TOR1A: variants seen among roughly 807,000 people sequenced by gnomAD.
The protein encoded by TOR1A is torsin-1A.
Under a neutral mutation model 31.4 loss-of-function variants are expected in TOR1A, and 18 were observed. That is an observed-to-expected ratio of 0.57 (90% CI 0.40 to 0.85). The LOEUF (loss-of-function observed/expected upper bound fraction) is 0.85. TOR1A is among the 40% of genes least tolerant of loss of function. The probability of loss-of-function intolerance (pLI) is 0.00; values close to 1 mark genes in which losing one functional copy is unlikely to be tolerated. For missense variants in TOR1A, 375 were observed against 416.4 expected (o/e 0.90, Z 0.87); for synonymous variants, 168 against 165.9 (o/e 1.01, Z -0.10).
chr9:129,823,665 A>ACCCCCCCCCCCCCCCCCCCC, intron 1 of TOR1A: 1 of 19,604 alleles, frequency 5.1e-5, no homozygotes, highest in South Asian at 6.7e-4. Context: ...GCGATCCCCC[A>ACCCCCCCCCCCCCCCCCCCC]GCCCCACCCC....
chr9:129,818,738 A>T lies in TOR1A; in HGVS notation c.620+7T>A. On this transcript the variant is annotated splice_region_variant and intron_variant, in intron 3 of 4. Coordinates refer to ENST00000351698, the MANE Select transcript of TOR1A (RefSeq NM_000113.3). ...GCCCATCCATCATGTCCTAGCCCTG[A>T]CCTTACCTGAGAAATATGAACATGG... 1 of 1,613,464 alleles carries T rather than the reference A, an allele frequency of 6.2e-7. No individual in the cohort carries two copies. The highest frequency in any genetic ancestry group is 2.2e-5 in the East Asian group (1 of 44,876).
chr9:129,814,371 A>ACACCCCCCCC (rs2030979966), intron 4 of TOR1A, 149 bp from the exon 5 acceptor site: 1 of 1,104,760 alleles, frequency 9.1e-7, no homozygotes. Flanking sequence ...ACTGGGGGTC[A>ACACCCCCCCC]CCCACCCACC....
chr9:129,823,860 G>GCCCAGC (rs746879786), intron 1 of TOR1A, 48 bp downstream of exon 1: 96 of 1,523,486 alleles, frequency 6.3e-5, no homozygotes, highest in Admixed American at 5.6e-4. Context: ...TAGTGCCATC[G>GCCCAGC]CCCAGCCCCA....
At chr9:129,815,476 G>A (rs572702965) in intron 4 of TOR1A, among the ~76,000 whole-genome samples, 65 of 152,360 alleles carry the variant, frequency 4.3e-4, no homozygotes, top group Non-Finnish European at 7.9e-4. Flanking sequence ...GGTGCTTGGA[G>A]TGGCGAATGC....
In TOR1A at chr9:129,824,023, C is replaced by T. The variant is rs1161309341; in HGVS notation, c.63G>A (p.Val21=). Residue 21 remains valine, a synonymous_variant, in exon 1 of 5, where the codon GTG becomes GTA. Coordinates refer to ENST00000351698, the MANE Select transcript of TOR1A (RefSeq NM_000113.3). ...GGGCCAGTCCCAGGCTGATGGGCTCCACCGCCTGCACCACGGACGGCGCCA... is the reference window on the plus strand; with the variant it reads ...GGGCCAGTCCCAGGCTGATGGGCTCTACCGCCTGCACCACGGACGGCGCCA... The part of the protein sequence containing the change: ...LLLAPSVVQA[V]EPISLGLALA... 1.2e-6 allele frequency: 2 copies of T among 1,608,810 alleles called. No individual in the cohort carries two copies. Among genetic ancestry groups the T allele is most frequent in the Admixed American group, 3.3e-5 (2 of 59,766 alleles).
chr9:129,819,360 C>T (rs1229477137), intron 2 of TOR1A, among the ~76,000 whole-genome samples: 1 of 152,166 alleles, frequency 6.6e-6, no homozygotes, highest in African/African-American at 2.4e-5. Context: ...TGGCTCACAC[C>T]TGTAATCCCA....
rs755416725 is a variant in TOR1A, at chr9:129,822,653, C to G, written c.372G>C (p.Leu124=). The G allele has an allele frequency of 6.2e-7, 1 of 1,614,220 alleles. No homozygotes were observed. The highest frequency in any genetic ancestry group is 8.5e-7 in the Non-Finnish European group (1 of 1,180,042). The change falls in exon 2 of 5, where the codon CTG becomes CTC. Residue 124 remains leucine (L), a synonymous_variant. Transcript: ENST00000351698. ...CAAACAGGTGGACATAGTCACTGTT[C>G]AGACCACCCTCGTAAATATTCTCTG... is the stretch of plus-strand genomic sequence containing the variant. The part of the protein sequence containing the change: ...IIAENIYEGG[L]NSDYVHLFVA...
intron 4 of TOR1A, 24 bp from the exon 5 acceptor site, chr9:129,814,246 G>A: frequency 1.2e-6 from 2 of 1,613,804 alleles, no homozygotes; most frequent in Non-Finnish European, 1.7e-6. Flanking sequence ...ACAAGGTGCT[G>A]TTCATCCACA....
chr9:129,814,772 C>T (rs940665549), intron 4 of TOR1A, among the ~76,000 whole-genome samples: 4 of 151,850 alleles, frequency 2.6e-5, no homozygotes, highest in Non-Finnish European at 4.4e-5. Flanking sequence ...GAAGAATTCC[C>T]GGGAAGGACT....
intron 4 of TOR1A, 126 bp from the exon 5 acceptor site, chr9:129,814,348 G>T: frequency 1.4e-6 from 2 of 1,431,878 alleles, no homozygotes; most frequent in Non-Finnish European, 1.9e-6. Flanking sequence ...ACCTATCCAT[G>T]CCACACACAC....
At position 129,813,548 on chromosome 9, in the gene TOR1A, T is replaced by TA. The variant is rs573629050; in HGVS notation, c.*423dup. The TA allele has an allele frequency of 2.2e-3, 653 of 291,958 alleles. 1 individual carries two copies. The highest frequency in any genetic ancestry group is 9.1e-3 in the South Asian group (289 of 31,744). 18.1% of individuals were successfully genotyped at this position (291,958 alleles called of 1,614,324 possible). A position where few individuals can be genotyped will look rare whatever the true frequency, so the allele number is the denominator to read the frequency against. ...AGTCTATGTAATAATGATGAGAACT[T>TA]AAAAAAAAACACACACACAAGGCCA... is the stretch of plus-strand genomic sequence containing the variant. On this transcript the variant is annotated 3_prime_UTR_variant, in exon 5 of 5. Coordinates refer to ENST00000351698, the MANE Select transcript of TOR1A (RefSeq NM_000113.3).
At position 129,824,112 on chromosome 9, in the gene TOR1A, T is replaced by G; in HGVS notation, c.-27A>C. On this transcript the variant is annotated 5_prime_UTR_variant, in exon 1 of 5. Transcript: ENST00000351698. ...CCCGGACCCGCGCCACCCTGCTTGT[T>G]CTCGCGCCGACCGCGAACCGGTGCA... 1 of 1,546,582 alleles carries G rather than the reference T, an allele frequency of 6.5e-7. No individual in the cohort carries two copies. Among genetic ancestry groups the G allele is most frequent in the Middle Eastern group, 2.0e-4 (1 of 5,076 alleles).
At chr9:129,823,177 C>T (rs1450499626) in intron 1 of TOR1A, 2 of 416,164 alleles carry the variant, frequency 4.8e-6, no homozygotes, top group African/African-American at 4.1e-5. Context: ...CAGTTTGGTC[C>T]CTCCTGGTCG....
chr9:129,821,340 CT>C (rs1440125639), intron 2 of TOR1A: 2 of 152,150 alleles, frequency 1.3e-5, no homozygotes, highest in Non-Finnish European at 2.9e-5. Context: ...AAATAATTGA[CT>C]GTTTTGCCCA....
Position 129,814,233 on chromosome 9 carries a change from G to C in TOR1A, c.749-11C>G, listed in dbSNP as rs72755217. ...TGTGCCAGAAGCCACCTGGGAAGAA[G>C]AAACAAGGTGCTGTTCATCCACATC... On this transcript the variant is annotated splice_polypyrimidine_tract_variant and intron_variant, in intron 4 of 4. Transcript: ENST00000351698. 2 of 1,613,908 alleles carry C rather than the reference G, an allele frequency of 1.2e-6. No individual in the cohort carries two copies. The highest frequency in any genetic ancestry group is 2.7e-5 in the African/African-American group (2 of 74,862).
intron 4 of TOR1A, among the ~76,000 whole-genome samples, chr9:129,817,467 G>A (rs1389656664): frequency 6.6e-6 from 1 of 152,106 alleles, no homozygotes; most frequent in Admixed American, 6.5e-5. Flanking sequence ...TTGGGAGGCC[G>A]AGGCAGGCGG....
At chr9:129,819,781 G>A (rs2031136096) in intron 2 of TOR1A, among the ~76,000 whole-genome samples, 1 of 150,466 alleles carries the variant, frequency 6.6e-6, no homozygotes, top group Admixed American at 6.6e-5. Context: ...AAATTAGCCA[G>A]GCATAGTGGC....
At position 129,818,511 on chromosome 9, in the gene TOR1A, C is replaced by T. The variant is rs762126344; in HGVS notation, c.748+9G>A. 6.2e-7 allele frequency: 1 copy of T among 1,613,946 alleles called. No individual in the cohort carries two copies. Among genetic ancestry groups the T allele is most frequent in the East Asian group, 2.2e-5 (1 of 44,880 alleles). ...CCAGATGGGACTGGCGGTGGATGGC[C>T]CTACTCACTGTTCTTGTTATTGAAA... On this transcript the variant is annotated intron_variant, in intron 4 of 4. Coordinates refer to ENST00000351698, the MANE Select transcript of TOR1A (RefSeq NM_000113.3).
Position 129,818,572 on chromosome 9 carries a change from C to A in TOR1A, c.696G>T (p.Lys232Asn). 1 of 1,614,230 alleles carries A rather than the reference C, an allele frequency of 6.2e-7. No individual in the cohort carries two copies. Among genetic ancestry groups the A allele is most frequent in the Non-Finnish European group, 8.5e-7 (1 of 1,180,038 alleles). ...WRSGKQREDIKLKDIEHALSV... is the reference protein window; with the variant it reads ...WRSGKQREDINLKDIEHALSV... ...ACAACGCGTGTTCAATGTCTTTGAGCTTGATGTCTTCCCTCTGCTTTCCAC... is the reference window on the plus strand; with the variant it reads ...ACAACGCGTGTTCAATGTCTTTGAGATTGATGTCTTCCCTCTGCTTTCCAC... The change falls in exon 4 of 5, where the codon AAG (lysine) becomes AAT (asparagine). Residue 232 changes from lysine to asparagine, a missense_variant. Transcript: ENST00000351698.
Sources: gnomAD v4.1 joint callset for allele counts (sites outside exome capture counted in the v4.1 genomes callset) on GRCh38, gnomAD v4.1.1 for gene constraint, MANE v1.5 for transcripts, NCBI Gene and HGNC (gene_info 2026-07-23, HGNC 2026-07-21) for gene names.